ST7: variants seen among roughly 807,000 people sequenced by gnomAD.
The protein encoded by ST7 is suppressor of tumorigenicity 7 protein.
Under a neutral mutation model 78.7 loss-of-function variants are expected in ST7, and 28 were observed. The ratio of observed to expected loss-of-function variants is 0.36; its 90% CI spans 0.26 to 0.49. ST7 has a LOEUF of 0.49. ST7 is among the 20% of genes least tolerant of loss of function. The probability of loss-of-function intolerance (pLI) is 0.99; values close to 1 mark genes in which losing one functional copy is unlikely to be tolerated. For synonymous variants in ST7, 247 were observed against 249.6 expected (o/e 0.99, Z 0.10); for missense variants, 418 against 696.0 (o/e 0.60, Z 4.49).
At chr7:116,969,808 G>T (rs1035668428) in intron 1 of ST7, among the ~76,000 whole-genome samples, 1 of 152,222 alleles carries the variant, frequency 6.6e-6, no homozygotes, top group African/African-American at 2.4e-5. Flanking sequence ...GGGCATGGTG[G>T]TTCATGCCTA....
intron 10 of ST7, chr7:117,187,748 A>C (rs1465853336): frequency 1.3e-5 from 2 of 152,198 alleles, no homozygotes; most frequent in African/African-American, 4.8e-5. Context: ...TTCGGAAACA[A>C]GGCTTGGGTA....
At chr7:116,967,602 A>G (rs1283375398) in intron 1 of ST7, 1 of 350,658 alleles carries the variant, frequency 2.9e-6, no homozygotes, top group Admixed American at 3.7e-5. Context: ...AAAAAGGTCA[A>G]CAGTCATTTA....
chr7:116,977,810 C>T (rs748296090), intron 1 of ST7, among the ~76,000 whole-genome samples: 8 of 152,200 alleles, frequency 5.3e-5, no homozygotes, highest in Admixed American at 2.0e-4. Flanking sequence ...GCCTTGGCCT[C>T]CCAAAGTTCT....
At chr7:116,985,511 A>G (rs1794153423) in intron 1 of ST7, among the ~76,000 whole-genome samples, 1 of 151,866 alleles carries the variant, frequency 6.6e-6, no homozygotes, top group South Asian at 2.1e-4. Context: ...AAGTATGGTG[A>G]CATCAAAAAA....
intron 1 of ST7, among the ~76,000 whole-genome samples, chr7:117,010,841 T>C (rs919590741): frequency 2.6e-5 from 4 of 152,194 alleles, no homozygotes; most frequent in African/African-American, 7.2e-5. Flanking sequence ...GTGGAAGCCA[T>C]GCTCGTTCTC....
chr7:116,964,391 A>G (rs1792995816), intron 1 of ST7, among the ~76,000 whole-genome samples: 1 of 152,222 alleles, frequency 6.6e-6, no homozygotes, highest in South Asian at 2.1e-4. Context: ...TAGAGCTAAT[A>G]AAATAATGCT....
intron 1 of ST7, among the ~76,000 whole-genome samples, chr7:117,039,742 C>T (rs1357296954): frequency 6.6e-6 from 1 of 152,094 alleles, no homozygotes; most frequent in Non-Finnish European, 1.5e-5. Flanking sequence ...AAACAAATCC[C>T]TCCTCTCTAC....
chr7:117,099,319 T>C (rs1801390496), intron 1 of ST7, among the ~76,000 whole-genome samples: 1 of 152,110 alleles, frequency 6.6e-6, no homozygotes, highest in Admixed American at 6.5e-5. Flanking sequence ...AACTATTTAA[T>C]ATATTAAATA....
At chr7:117,083,253 TTTTG>T (rs1032711589) in intron 1 of ST7, among the ~76,000 whole-genome samples, 4 of 151,852 alleles carry the variant, frequency 2.6e-5, no homozygotes, top group African/African-American at 7.3e-5. Context: ...ATATATATAT[TTTTG>T]TTTGTTTGTT....
At chr7:117,206,447 A>G (rs1791767738) in intron 12 of ST7, among the ~76,000 whole-genome samples, 1 of 152,212 alleles carries the variant, frequency 6.6e-6, no homozygotes, top group Non-Finnish European at 1.5e-5. Context: ...GGAACAAGAT[A>G]CACAATAACT....
At chr7:117,080,582 T>C (rs1036407205) in intron 1 of ST7, among the ~76,000 whole-genome samples, 9 of 152,196 alleles carry the variant, frequency 5.9e-5, no homozygotes, top group African/African-American at 2.2e-4. Context: ...CTCCTTAGGC[T>C]AAATTCCCAC....
chr7:117,218,910 A>G, intron 13 of ST7, 174 bp from the exon 14 acceptor site: 1 of 578,726 alleles, frequency 1.7e-6, no homozygotes, highest in Non-Finnish European at 3.1e-6. Flanking sequence ...ATGTGTGAGT[A>G]ATCCATCACA....
chr7:117,087,720 A>G (rs1207024046), intron 1 of ST7, among the ~76,000 whole-genome samples: 1 of 152,122 alleles, frequency 6.6e-6, no homozygotes, highest in Non-Finnish European at 1.5e-5. Context: ...CACTGTCTTT[A>G]ATCACTTCAA....
chr7:117,158,045 T>G (rs1345997339), intron 9 of ST7, among the ~76,000 whole-genome samples: 2 of 152,182 alleles, frequency 1.3e-5, no homozygotes, highest in Non-Finnish European at 2.9e-5. Flanking sequence ...TTTGTGAAAC[T>G]GCAGTTTGCC....
At chr7:117,207,219 A>G (rs1791844948) in intron 12 of ST7, among the ~76,000 whole-genome samples, 3 of 150,818 alleles carry the variant, frequency 2.0e-5, no homozygotes, top group Admixed American at 2.0e-4. Flanking sequence ...ATCTTGGCTC[A>G]CTGCAACCTC....
chr7:117,086,437 A>G (rs1800154400), intron 1 of ST7, among the ~76,000 whole-genome samples: 1 of 152,180 alleles, frequency 6.6e-6, no homozygotes, highest in South Asian at 2.1e-4. Flanking sequence ...GCGTTAGACA[A>G]TTGCTAATTA....
At chr7:117,123,878 T>C (rs1400044370) in intron 3 of ST7, among the ~76,000 whole-genome samples, 1 of 152,138 alleles carries the variant, frequency 6.6e-6, no homozygotes, top group African/African-American at 2.4e-5. Flanking sequence ...AAGTCAAGTT[T>C]AAATTCTCTG....
intron 9 of ST7, among the ~76,000 whole-genome samples, chr7:117,169,126 TAA>T (rs199649022): frequency 0.11 from 16,898 of 149,318 alleles, 2,000 homozygotes; most frequent in African/African-American, 0.28. Flanking sequence ...CTTCTTTTTT[TAA>T]TCTTCTTCCT....
chr7:117,139,838 CA>C (rs930304258), intron 9 of ST7, among the ~76,000 whole-genome samples: 2 of 152,176 alleles, frequency 1.3e-5, no homozygotes, highest in Non-Finnish European at 2.9e-5. Flanking sequence ...AACTTGCTCT[CA>C]AAGCTTTTTA....
Sources: gnomAD v4.1 joint callset for allele counts (sites outside exome capture counted in the v4.1 genomes callset) on GRCh38, gnomAD v4.1.1 for gene constraint, MANE v1.5 for transcripts, NCBI Gene and HGNC (gene_info 2026-07-23, HGNC 2026-07-21) for gene names.